The following ST18 variants were observed in gnomAD, a reference collection of about 807,000 sequenced individuals.
The protein encoded by ST18 is suppression of tumorigenicity 18 protein.
Under a neutral mutation model 110.0 loss-of-function variants are expected in ST18, and 50 were observed. The observed-to-expected ratio is 0.45, with a 90% CI of 0.36 to 0.58. ST18 has a LOEUF of 0.58. ST18 is among the 20% of genes least tolerant of loss of function. The pLI is 0.00. For missense variants in ST18, 1,306 were observed against 1,280.1 expected (o/e 1.02, Z -0.31); for synonymous variants, 461 against 452.4 (o/e 1.02, Z -0.24).
At chr8:52,211,288 G>A (rs1399900598) in intron 8 of ST18, among the ~76,000 whole-genome samples, 3 of 151,838 alleles carry the variant, frequency 2.0e-5, no homozygotes, top group East Asian at 3.9e-4. Context: ...TATCTGTGAC[G>A]AAAATGCTTG....
At chr8:52,173,493 C>A (rs951711594) in intron 9 of ST18, among the ~76,000 whole-genome samples, 46 of 152,164 alleles carry the variant, frequency 3.0e-4, no homozygotes, top group African/African-American at 1.1e-3. Flanking sequence ...GTCAGTGTCA[C>A]CCCCTCTTGC....
intron 8 of ST18, among the ~76,000 whole-genome samples, chr8:52,190,367 C>T (rs1410212659): frequency 6.6e-6 from 1 of 152,154 alleles, no homozygotes; most frequent in Non-Finnish European, 1.5e-5. Flanking sequence ...CTGTACCACC[C>T]TTAAACTTAT....
At position 52,150,280 on chromosome 8, in the gene ST18, G is replaced by A. The variant is rs201098510; in HGVS notation, c.1807-303C>T. ...AAAATGTGTGTGTGTGTGTGTGTGT[G>A]TATATATATGTGTATATATATACAC... On this transcript the variant is annotated intron_variant, in intron 15 of 25. Transcript: ENST00000689386. Among the ~76,000 whole-genome samples, 175 of 146,400 alleles carry A rather than the reference G, an allele frequency of 1.2e-3. 1 individual carries two copies. The highest frequency in any genetic ancestry group is 4.1e-3 in the South Asian group (19 of 4,656).
At chr8:52,147,853 C>T (rs565005104) in intron 16 of ST18, among the ~76,000 whole-genome samples, 40 of 152,276 alleles carry the variant, frequency 2.6e-4, no homozygotes, top group African/African-American at 8.9e-4. Context: ...TGAATTGAAG[C>T]GCATTCCCTT....
chr8:52,208,590 G>A lies in ST18; in HGVS notation c.86+3489C>T, dbSNP rs576610482. Among the ~76,000 whole-genome samples the A allele has an allele frequency of 2.4e-3, 363 of 152,356 alleles. 1 individual carries two copies. Among genetic ancestry groups the A allele is most frequent in the Non-Finnish European group, 4.4e-3 (297 of 68,034 alleles). On this transcript the variant is annotated intron_variant, in intron 8 of 25. Transcript: ENST00000689386. The stretch of plus-strand genomic sequence containing the variant: ...GCCTGTAATCCCAGCACTTTGGGAG[G>A]CCGAGGCGGGAGGATCACGAGGTCA...
At chr8:52,129,470 A>AAAAG (rs1437674588) in intron 22 of ST18, among the ~76,000 whole-genome samples, 1 of 151,106 alleles carries the variant, frequency 6.6e-6, no homozygotes, top group Non-Finnish European at 1.5e-5. Context: ...AAAAAAAAAA[A>AAAAG]AAAGAAAGAA....
chr8:52,188,831 G>C (rs2073386111), intron 8 of ST18, among the ~76,000 whole-genome samples: 1 of 152,150 alleles, frequency 6.6e-6, no homozygotes, highest in Non-Finnish European at 1.5e-5. Context: ...AGAGAGTAAA[G>C]GGTCAAGAAT....
intron 2 of ST18, among the ~76,000 whole-genome samples, chr8:52,402,651 G>A (rs1363138279): frequency 6.6e-6 from 1 of 152,296 alleles, no homozygotes; most frequent in South Asian, 2.1e-4. Context: ...TGGTCCCAGA[G>A]CAGTGGGATA....
chr8:52,120,003 C>T (rs2044065551), intron 23 of ST18, among the ~76,000 whole-genome samples: 2 of 152,140 alleles, frequency 1.3e-5, no homozygotes, highest in South Asian at 4.1e-4. Flanking sequence ...TATGACATGG[C>T]TACTAAGAAA....
intron 2 of ST18, among the ~76,000 whole-genome samples, chr8:52,328,112 A>G (rs576095063): frequency 1.3e-5 from 2 of 152,342 alleles, no homozygotes; most frequent in Admixed American, 1.3e-4. Flanking sequence ...GCCCCAGGAA[A>G]GAGAGCTATC....
intron 2 of ST18, among the ~76,000 whole-genome samples, chr8:52,265,189 G>A (rs921448073): frequency 5.9e-5 from 9 of 152,172 alleles, no homozygotes; most frequent in African/African-American, 9.7e-5. Context: ...GGCAACTGCC[G>A]AAGCCCTAAG....
chr8:52,348,734 A>G (rs1392275842), intron 2 of ST18, among the ~76,000 whole-genome samples: 1 of 152,188 alleles, frequency 6.6e-6, no homozygotes, highest in African/African-American at 2.4e-5. Context: ...AAAAAATGCA[A>G]AACTCCACCT....
At chr8:52,124,964 C>A (rs1445196308) in intron 23 of ST18, among the ~76,000 whole-genome samples, 1 of 152,162 alleles carries the variant, frequency 6.6e-6, no homozygotes, top group East Asian at 1.9e-4. Context: ...CAGTGAAAGT[C>A]CCCAGCTCAA....
chr8:52,300,585 G>A (rs996371018), intron 2 of ST18, among the ~76,000 whole-genome samples: 3 of 152,080 alleles, frequency 2.0e-5, no homozygotes, highest in Non-Finnish European at 4.4e-5. Context: ...TATGACCCTC[G>A]ATTTAAAATG....
In ST18 at chr8:52,111,621, G is replaced by A. The variant is rs922246941; in HGVS notation, c.*1577C>T. The A allele has an allele frequency of 6.6e-6, 1 of 152,530 alleles. No homozygotes were observed. The highest frequency in any genetic ancestry group is 2.4e-5 in the African/African-American group (1 of 41,398). The allele number at this position is 152,530 out of a possible 1,614,324, so 9.4% of individuals were successfully genotyped here. A position where few individuals can be genotyped will look rare whatever the true frequency, so the allele number is the denominator to read the frequency against. ...AGTGGAATACATCAAGCCTGTGAAT[G>A]CCATCACTTTCCATCTAAATATCCA... On this transcript the variant is annotated 3_prime_UTR_variant, in exon 26 of 26. Coordinates refer to ENST00000689386, the MANE Select transcript of ST18 (RefSeq NM_001352837.2).
intron 2 of ST18, among the ~76,000 whole-genome samples, chr8:52,238,102 A>G (rs112273129): frequency 3.3e-5 from 5 of 152,244 alleles, no homozygotes; most frequent in Non-Finnish European, 7.3e-5. Flanking sequence ...CAACCTTCAC[A>G]TGTTGCTAGT....
At chr8:52,302,339 GTACATGGTTTTCAAT>G (rs2095738784) in intron 2 of ST18, among the ~76,000 whole-genome samples, 1 of 152,000 alleles carries the variant, frequency 6.6e-6, no homozygotes, top group African/African-American at 2.4e-5. Flanking sequence ...TTTTCAATAA[GTACATGGTTTTCAAT>G]AAGTATATAA....
rs1232777783 is a variant in ST18 at position 52,136,620 on chromosome 8, G to A, written c.2270C>T (p.Ser757Phe). The stretch of plus-strand genomic sequence containing the variant: ...CTCCTGAGAGTTGGCAGCCATGAGG[G>A]ATTTTAGAGTCTTATCTGCTAAAGG... Reference protein sequence around the residue: ...GCPLADKTLKSLMAANSQELK... With the variant: ...GCPLADKTLKFLMAANSQELK... The change falls in exon 19 of 26, where the codon TCC (serine) becomes TTC (phenylalanine). Residue 757 changes from serine to phenylalanine, a missense_variant. Transcript: ENST00000689386. The A allele has an allele frequency of 6.2e-7, 1 of 1,611,372 alleles. No individual in the cohort carries two copies. The highest frequency in any genetic ancestry group is 8.5e-7 in the Non-Finnish European group (1 of 1,179,048).
At chr8:52,368,368 T>C (rs1358236956) in intron 2 of ST18, among the ~76,000 whole-genome samples, 1 of 152,158 alleles carries the variant, frequency 6.6e-6, no homozygotes, top group Non-Finnish European at 1.5e-5. Flanking sequence ...TTTGGAGAAA[T>C]GTTACAACCC....
Sources: allele counts gnomAD v4.1 joint callset (sites outside exome capture counted in the v4.1 genomes callset), GRCh38; gene constraint gnomAD v4.1.1; transcripts MANE v1.5; gene names NCBI Gene and HGNC (gene_info 2026-07-23, HGNC 2026-07-21).